The following TAOK3 variants were observed in gnomAD, a reference collection of about 807,000 sequenced individuals.
The protein encoded by TAOK3 is serine/threonine-protein kinase TAO3.
In TAOK3, 40 loss-of-function variants were observed where a neutral mutation model predicts 120.4. That is an observed-to-expected ratio of 0.33 (90% CI 0.26 to 0.43). The LOEUF (loss-of-function observed/expected upper bound fraction) is 0.43, where lower values mean the gene tolerates loss of function less well. Among genes scored for constraint, TAOK3 ranks in the 20% least tolerant of loss-of-function variants. The pLI is 1.00. For missense variants in TAOK3, 821 were observed against 1,112.1 expected, an observed-to-expected ratio of 0.74 and a Z score of 3.72; for synonymous variants, 355 against 387.5, an observed-to-expected ratio of 0.92 and a Z score of 0.99.
At chr12:118,309,495 C>G (rs2043184255) in intron 1 of TAOK3, among the ~76,000 whole-genome samples, 1 of 151,714 alleles carries the variant, frequency 6.6e-6, no homozygotes, top group South Asian at 2.1e-4. Context: ...ACCCTCCCTT[C>G]TTGGCTCAAA....
At chr12:118,252,664 TTC>T in intron 3 of TAOK3, among the ~76,000 whole-genome samples, 1 of 152,158 alleles carries the variant, frequency 6.6e-6, no homozygotes, top group South Asian at 2.1e-4. Flanking sequence ...TTAAATGATA[TTC>T]TGACTACACA....
intron 3 of TAOK3, among the ~76,000 whole-genome samples, chr12:118,252,188 G>C (rs1290832225): frequency 6.6e-6 from 1 of 152,120 alleles, no homozygotes; most frequent in Non-Finnish European, 1.5e-5. Context: ...CTGAGAAGAT[G>C]AATTAGATTT....
chr12:118,355,875 G>A (rs1284585099), intron 1 of TAOK3, among the ~76,000 whole-genome samples: 1 of 152,120 alleles, frequency 6.6e-6, no homozygotes, highest in African/African-American at 2.4e-5. Context: ...CAATTTTACA[G>A]AAGAAGAAAC....
chr12:118,185,700 T>G (rs2037032054), intron 14 of TAOK3, among the ~76,000 whole-genome samples: 1 of 152,226 alleles, frequency 6.6e-6, no homozygotes, highest in South Asian at 2.1e-4. Context: ...ATATGTTACA[T>G]GAGGAATTCT....
intron 1 of TAOK3, chr12:118,296,995 T>A (rs1311148439): frequency 6.6e-6 from 1 of 152,228 alleles, no homozygotes. Context: ...CCTCAGTTTC[T>A]ACTATGTGTA....
chr12:118,242,880 A>G (rs953499306), intron 5 of TAOK3, among the ~76,000 whole-genome samples: 2 of 151,448 alleles, frequency 1.3e-5, no homozygotes, highest in Non-Finnish European at 2.9e-5. Flanking sequence ...ACAAACAAAC[A>G]AAATATATAT....
intron 1 of TAOK3, among the ~76,000 whole-genome samples, chr12:118,286,273 C>T (rs947377167): frequency 6.6e-6 from 1 of 152,088 alleles, no homozygotes; most frequent in Admixed American, 6.6e-5. Context: ...CCATTAGAAG[C>T]TAGGTTGAAT....
At chr12:118,220,808 A>G (rs536502871) in intron 9 of TAOK3, among the ~76,000 whole-genome samples, 15 of 152,272 alleles carry the variant, frequency 9.9e-5, no homozygotes, top group African/African-American at 3.6e-4. Flanking sequence ...ATTTTAATAG[A>G]GAAGCACATG....
At chr12:118,274,131 C>A (rs1467032706) in intron 1 of TAOK3, among the ~76,000 whole-genome samples, 5 of 150,612 alleles carry the variant, frequency 3.3e-5, no homozygotes, top group East Asian at 1.9e-4. Context: ...AAAAACAAAC[C>A]AAAAAAACAA....
At chr12:118,339,870 A>T (rs915657541) in intron 1 of TAOK3, among the ~76,000 whole-genome samples, 5 of 152,150 alleles carry the variant, frequency 3.3e-5, no homozygotes, top group African/African-American at 1.2e-4. Context: ...CCAATACTTT[A>T]TAGATTTTAA....
chr12:118,258,321 A>G (rs1159729233), intron 2 of TAOK3, among the ~76,000 whole-genome samples: 1 of 152,192 alleles, frequency 6.6e-6, no homozygotes, highest in African/African-American at 2.4e-5. Context: ...CAATCCATGG[A>G]TGCCAATAAT....
At chr12:118,156,918 T>C (rs2034869099) in intron 19 of TAOK3, among the ~76,000 whole-genome samples, 1 of 152,050 alleles carries the variant, frequency 6.6e-6, no homozygotes, top group South Asian at 2.1e-4. Context: ...TTTTGTATTT[T>C]TAGTAGAGAC....
chr12:118,172,320 C>T lies in TAOK3; in HGVS notation c.1899+137G>A. 4 of 862,260 alleles carry T rather than the reference C, an allele frequency of 4.6e-6. No individual in the cohort carries two copies. In the Admixed American group the frequency reaches 7.6e-5, roughly 16 times the overall value. 53.4% of individuals were successfully genotyped at this position (862,260 alleles called of 1,614,324 possible). A position where few individuals can be genotyped will look rare whatever the true frequency, so the allele number is the denominator to read the frequency against. On this transcript the variant is annotated intron_variant, in intron 17 of 20. Coordinates refer to ENST00000392533, the MANE Select transcript of TAOK3 (RefSeq NM_016281.4). ...TCATTCCCTGACTTTTTTTGTATAC[C>T]TACTCTGTGTTAGCCACTGTGCTAA... is the stretch of plus-strand genomic sequence containing the variant.
chr12:118,310,239 G>A (rs1053620381), intron 1 of TAOK3, among the ~76,000 whole-genome samples: 2 of 152,198 alleles, frequency 1.3e-5, no homozygotes, highest in South Asian at 2.1e-4. Flanking sequence ...AGCCGTGATC[G>A]TGCCACTGCA....
At chr12:118,276,673 G>A (rs2041914006) in intron 1 of TAOK3, among the ~76,000 whole-genome samples, 1 of 152,082 alleles carries the variant, frequency 6.6e-6, no homozygotes. Context: ...CTGCACTCCA[G>A]CCTGGGCAAC....
intron 1 of TAOK3, among the ~76,000 whole-genome samples, chr12:118,368,453 C>T (rs901283305): frequency 6.6e-6 from 1 of 151,520 alleles, no homozygotes; most frequent in Non-Finnish European, 1.5e-5. Context: ...CCGCCTTGGC[C>T]TTCCAAAGTG....
intron 15 of TAOK3, among the ~76,000 whole-genome samples, chr12:118,177,603 C>T (rs975831437): frequency 1.3e-5 from 2 of 151,822 alleles, no homozygotes; most frequent in African/African-American, 4.8e-5. Flanking sequence ...GCAGGCAGAT[C>T]ACCTGAGGTC....
At chr12:118,344,029 A>G (rs1332859850) in intron 1 of TAOK3, among the ~76,000 whole-genome samples, 2 of 151,490 alleles carry the variant, frequency 1.3e-5, no homozygotes, top group Admixed American at 6.6e-5. Flanking sequence ...AAAATCCACT[A>G]GAATTTATTT....
intron 15 of TAOK3, among the ~76,000 whole-genome samples, chr12:118,177,814 ACT>A (rs2036442395): frequency 6.6e-6 from 1 of 151,998 alleles, no homozygotes; most frequent in East Asian, 1.9e-4. Flanking sequence ...CAAGAGCAGA[ACT>A]CTGTCTCAAA....
Sources: gnomAD v4.1 joint callset for allele counts (sites outside exome capture counted in the v4.1 genomes callset) on GRCh38, gnomAD v4.1.1 for gene constraint, MANE v1.5 for transcripts, NCBI Gene and HGNC (gene_info 2026-07-23, HGNC 2026-07-21) for gene names.